Variants in ARHGAP45 observed in about 807,000 individuals in gnomAD.
ARHGAP45 encodes rho GTPase-activating protein 45.
Under a neutral mutation model 116.1 loss-of-function variants are expected in ARHGAP45, and 56 were observed. The observed-to-expected ratio is 0.48, with a 90% CI of 0.39 to 0.60. ARHGAP45 has a LOEUF of 0.60. Ranked by LOEUF, ARHGAP45 falls within the 20% of genes least tolerant of loss-of-function variation. The pLI is 0.00. For synonymous variants in ARHGAP45, 866 were observed against 701.7 expected, an observed-to-expected ratio of 1.23 and a Z score of -3.70; for missense variants, 1,622 against 1,601.0, an observed-to-expected ratio of 1.01 and a Z score of -0.22.
intron 17 of ARHGAP45, 55 bp from the exon 18 acceptor site, chr19:1,081,495 G>T (rs2043432593): frequency 2.4e-5 from 34 of 1,425,648 alleles, no homozygotes; most frequent in Non-Finnish European, 3.0e-5. Context: ...GCCGCTGGGG[G>T]CTGCGCTGAG....
upstream of ARHGAP45, chr19:1,066,248 C>T: frequency 5.1e-6 from 3 of 593,484 alleles, no homozygotes; most frequent in South Asian, 2.8e-5. Context: ...AGCAGGGAGA[C>T]TTGGGGAGGG....
rs1599747590 is a variant in ARHGAP45, at chr19:1,068,076, G to A, written c.91-338G>A. On this transcript the variant is annotated intron_variant, in intron 1 of 22. Transcript: ENST00000313093. This position sits in a 1 kb window ranked among gnomAD's most constrained non-coding sequence, Gnocchi z 7.5. ...AGAGTCAGAAGTGTGTTCACTTAAA[G>A]CACCTGCGTTGTAGGAGCCTGAGGG... Among the ~76,000 whole-genome samples, 1 of 151,976 alleles carries A rather than the reference G, an allele frequency of 6.6e-6. No individual in the cohort carries two copies. The highest frequency in any genetic ancestry group is 6.6e-5 in the Admixed American group (1 of 15,260).
In ARHGAP45 at chr19:1,071,525, C is replaced by T; in HGVS notation, c.422-1624C>T. ...CAGGGGTCGCGCCGGCCGCCGGCTTCCCGGGTAGGGGGTGTGCGGGGACAG... is the reference window on the plus strand; with the variant it reads ...CAGGGGTCGCGCCGGCCGCCGGCTTTCCGGGTAGGGGGTGTGCGGGGACAG... On this transcript the variant is annotated intron_variant, in intron 2 of 22. Coordinates refer to ENST00000313093, the MANE Select transcript of ARHGAP45 (RefSeq NM_012292.5). This position sits in a 1 kb window ranked among gnomAD's most constrained non-coding sequence, Gnocchi z 4.6. 1 of 397,100 alleles carries T rather than the reference C, an allele frequency of 2.5e-6. No homozygotes were observed. The highest frequency in any genetic ancestry group is 3.4e-6 in the Non-Finnish European group (1 of 290,058). 24.6% of individuals were successfully genotyped at this position (397,100 alleles called of 1,614,324 possible). A position where few individuals can be genotyped will look rare whatever the true frequency, so the allele number is the denominator to read the frequency against.
At chr19:1,080,419 C>G in intron 14 of ARHGAP45, 40 bp downstream of exon 14, 1 of 1,610,426 alleles carries the variant, frequency 6.2e-7, no homozygotes, top group South Asian at 1.1e-5. Flanking sequence ...CGCTGGCTCC[C>G]TGCGACCCAC....
Position 1,071,112 on chromosome 19 carries a change from C to T in ARHGAP45, c.422-2037C>T. ...TGCCCGTCCTCGACCCTCCCCACCTCGAAGCTCTGCGGTTAAGGAAGGACC... is the reference window on the plus strand; with the variant it reads ...TGCCCGTCCTCGACCCTCCCCACCTTGAAGCTCTGCGGTTAAGGAAGGACC... On this transcript the variant is annotated intron_variant, in intron 2 of 22. Transcript: ENST00000313093. This position sits in a 1 kb window ranked among gnomAD's most constrained non-coding sequence, Gnocchi z 4.6. 1 of 1,137,586 alleles carries T rather than the reference C, an allele frequency of 8.8e-7. No individual in the cohort carries two copies. The highest frequency in any genetic ancestry group is 1.9e-5 in the South Asian group (1 of 52,070). The allele number at this position is 1,137,586 out of a possible 1,614,324, so 70.5% of individuals were successfully genotyped here. A position where few individuals can be genotyped will look rare whatever the true frequency, so the allele number is the denominator to read the frequency against.
At position 1,069,849 on chromosome 19, in the gene ARHGAP45, C is replaced by T. The variant is rs1266722240; in HGVS notation, c.421+1105C>T. ...TTTTTTTTTTTGATACAGGGTCTTG[C>T]TCTGTTGCCCAGGCTGGAGTCCAGT... On this transcript the variant is annotated intron_variant, in intron 2 of 22. Coordinates refer to ENST00000313093, the MANE Select transcript of ARHGAP45 (RefSeq NM_012292.5). The surrounding 1 kb of genome is among the most constrained non-coding windows in gnomAD (Gnocchi z 4.1). 1.4e-5 allele frequency among the ~76,000 whole-genome samples: 2 copies of T among 142,914 alleles called. No individual in the cohort carries two copies. Among genetic ancestry groups the T allele is most frequent in the African/African-American group, 2.6e-5 (1 of 38,926 alleles). 93.8% of individuals were successfully genotyped at this position (142,914 alleles called of 152,430 possible).
chr19:1,067,254 G>A lies in ARHGAP45; in HGVS notation c.-152G>A. 4 of 1,358,378 alleles carry A rather than the reference G, an allele frequency of 2.9e-6. No individual in the cohort carries two copies. The highest frequency in any genetic ancestry group is 3.8e-6 in the Non-Finnish European group (4 of 1,048,384). 84.1% of individuals were successfully genotyped at this position (1,358,378 alleles called of 1,614,324 possible). Reference sequence around the variant, plus strand: ...CCGAAGCCTTTTCCTGTTGGGGGGAGGGCCCGCCAGTGACGGCCGGGCCTG... The same window carrying A: ...CCGAAGCCTTTTCCTGTTGGGGGGAAGGCCCGCCAGTGACGGCCGGGCCTG... On this transcript the variant is annotated 5_prime_UTR_variant, in exon 1 of 23. Transcript: ENST00000313093.
In ARHGAP45 at chr19:1,086,077, A is replaced by T. The variant is rs375639165; in HGVS notation, c.*71A>T. The T allele has an allele frequency of 7.3e-7, 1 of 1,368,926 alleles. No homozygotes were observed. 84.8% of individuals were successfully genotyped at this position (1,368,926 alleles called of 1,614,324 possible). A position where few individuals can be genotyped will look rare whatever the true frequency, so the allele number is the denominator to read the frequency against. On this transcript the variant is annotated 3_prime_UTR_variant, in exon 23 of 23. Coordinates refer to ENST00000313093, the MANE Select transcript of ARHGAP45 (RefSeq NM_012292.5). The stretch of plus-strand genomic sequence containing the variant: ...CCTGTCCCTCCAGCACGTCCCCTGC[A>T]CCACGGCATAGCTTAGGTGCGCCGT...
At chr19:1,066,382 C>G (rs987276631), upstream of ARHGAP45, 5 of 571,738 alleles carry the variant, frequency 8.7e-6, no homozygotes, top group Non-Finnish European at 1.6e-5. Flanking sequence ...CGGGTGCCTG[C>G]GTCCTGCTGC....
chr19:1,081,199 C>A, intron 17 of ARHGAP45, 135 bp downstream of exon 17: 1 of 1,027,478 alleles, frequency 9.7e-7, no homozygotes, highest in Non-Finnish European at 1.4e-6. Flanking sequence ...AGGAAGCGAA[C>A]GGAGGGGGTG....
At chr19:1,073,314 T>A in intron 3 of ARHGAP45, 22 bp downstream of exon 3, 1 of 1,611,498 alleles carries the variant, frequency 6.2e-7, no homozygotes, top group Non-Finnish European at 8.5e-7. Context: ...GGAACAGGGC[T>A]GCGAGGGCTC....
Position 1,067,402 on chromosome 19 carries a change from C to A in ARHGAP45, c.-4C>A. On this transcript the variant is annotated 5_prime_UTR_variant, in exon 1 of 23. Transcript: ENST00000313093. Reference sequence around the variant, plus strand: ...CCCCTCGGGCTCCCGGCCGGGGCCCCATCATGTTCTCCAGGAAGAAACGAG... The same window carrying A: ...CCCCTCGGGCTCCCGGCCGGGGCCCAATCATGTTCTCCAGGAAGAAACGAG... 1.9e-6 allele frequency: 3 copies of A among 1,577,338 alleles called. No homozygotes were observed. Among genetic ancestry groups the A allele is most frequent in the East Asian group, 2.3e-5 (1 of 43,046 alleles).
chr19:1,084,090 T>C, intron 21 of ARHGAP45, 148 bp from the exon 22 acceptor site: 1 of 707,206 alleles, frequency 1.4e-6, no homozygotes, highest in South Asian at 1.6e-5. Flanking sequence ...GGGGCTGCGG[T>C]TTCTCGGGTT....
chr19:1,074,474 G>A (rs2043199886), intron 8 of ARHGAP45, 67 bp downstream of exon 8: 6 of 1,435,158 alleles, frequency 4.2e-6, no homozygotes, highest in Middle Eastern at 2.3e-4. Flanking sequence ...CCCATTTCAA[G>A]GGCCCAGGGA....
At chr19:1,066,202 G>A, upstream of ARHGAP45, 2 of 1,525,600 alleles carry the variant, frequency 1.3e-6, no homozygotes, top group Non-Finnish European at 1.8e-6. Flanking sequence ...AAGAGGTTGG[G>A]GTTTTGGGAT....
intron 18 of ARHGAP45, 39 bp from the exon 19 acceptor site, chr19:1,081,785 C>A: frequency 6.3e-7 from 1 of 1,578,888 alleles, no homozygotes; most frequent in Non-Finnish European, 8.6e-7. Flanking sequence ...CGGGAGTGGG[C>A]CGAGGCTGAT....
Position 1,081,587 on chromosome 19 carries a change from T to G in ARHGAP45, c.2228T>G (p.Leu743Arg). The change falls in exon 18 of 23, where the codon CTG (leucine) becomes CGG (arginine). Residue 743 changes from leucine to arginine, a missense_variant. Leu to Arg is a moderately radical substitution (Grantham distance 102). Around this residue, in one of 3 missense-constraint regions of ARHGAP45, gnomAD observed 1,334 missense variants for 1,263.8 expected, o/e 1.06. Coordinates refer to ENST00000313093, the MANE Select transcript of ARHGAP45 (RefSeq NM_012292.5). ...LACHKKCLETLAIQCGHKKLQ... is the reference protein window; with the variant it reads ...LACHKKCLETRAIQCGHKKLQ... ...TGCCACAAGAAATGTCTGGAGACGC[T>G]GGCCATACAGTGCGGGCACAAGAAG... 6.6e-7 allele frequency: 1 copy of G among 1,510,772 alleles called. No individual in the cohort carries two copies. The highest frequency in any genetic ancestry group is 8.9e-7 in the Non-Finnish European group (1 of 1,127,772). 93.6% of individuals were successfully genotyped at this position (1,510,772 alleles called of 1,614,324 possible).
At chr19:1,076,773 A>T (rs1449735494) in intron 10 of ARHGAP45, among the ~76,000 whole-genome samples, 2 of 152,016 alleles carry the variant, frequency 1.3e-5, no homozygotes, top group Non-Finnish European at 2.9e-5. Flanking sequence ...CTGGAATTAT[A>T]GGCATAAGAC....
intron 22 of ARHGAP45, among the ~76,000 whole-genome samples, chr19:1,085,405 G>C (rs1022241040): frequency 4.6e-5 from 7 of 152,016 alleles, no homozygotes; most frequent in Admixed American, 2.6e-4. Context: ...TGGGGACACA[G>C]AGCCAGACCC....
Sources: gnomAD v4.1 joint callset for allele counts (sites outside exome capture counted in the v4.1 genomes callset) on GRCh38, gnomAD v4.1.1 for gene constraint, gnomAD v4.1.1 regional missense constraint, Gnocchi (gnomAD v3.1) non-coding constraint, MANE v1.5 for transcripts, NCBI Gene and HGNC (gene_info 2026-07-23, HGNC 2026-07-21) for gene names.